The following PLIN3 variants were observed in gnomAD, a reference collection of about 807,000 sequenced individuals.
The protein encoded by PLIN3 is perilipin 3.
In PLIN3, 30 loss-of-function variants were observed where a neutral mutation model predicts 35.9. The ratio of observed to expected loss-of-function variants is 0.84; its 90% CI spans 0.62 to 1.13. The LOEUF (loss-of-function observed/expected upper bound fraction) is 1.13. Ranked by LOEUF, PLIN3 falls within the 50% of genes most tolerant of loss-of-function variation. The pLI is 0.00. For synonymous variants in PLIN3, 261 were observed against 262.5 expected, an observed-to-expected ratio of 0.99 and a Z score of 0.06; for missense variants, 603 against 596.9, an observed-to-expected ratio of 1.01 and a Z score of -0.11.
At chr19:4,842,100 G>A (rs2029910477) in intron 7 of PLIN3, among the ~76,000 whole-genome samples, 1 of 151,720 alleles carries the variant, frequency 6.6e-6, no homozygotes, top group Admixed American at 6.6e-5. Context: ...AGACCAGCCT[G>A]GCCAACATGG....
At chr19:4,860,136 A>C in intron 2 of PLIN3, 112 bp from the exon 3 acceptor site, 1 of 857,600 alleles carries the variant, frequency 1.2e-6, no homozygotes, top group South Asian at 1.5e-5. Flanking sequence ...GAAACGGCTC[A>C]GTTTACCCAC....
chr19:4,853,437 T>C (rs1307747620), intron 4 of PLIN3, among the ~76,000 whole-genome samples: 1 of 152,024 alleles, frequency 6.6e-6, no homozygotes, highest in Non-Finnish European at 1.5e-5. Context: ...GTGATTCTCC[T>C]GCCTCAGCCT....
chr19:4,861,374 C>A lies in PLIN3; in HGVS notation c.21G>T (p.Glu7Asp). The stretch of plus-strand genomic sequence containing the variant: ...CTGTCACCTGGGTGCTGCCATCAGC[C>A]TCTGCCCCGTCGGCAGACATGGTCT... MSADGA[E>D]ADGSTQVTVE... Residue 7 changes from glutamate (E) to aspartate (D), a missense_variant, in exon 2 of 8, where the codon GAG (glutamate) becomes GAT (aspartate). Physicochemically the swap from Glu to Asp is conservative, Grantham distance 45. Transcript: ENST00000221957. The A allele has an allele frequency of 6.2e-7, 1 of 1,613,184 alleles. No individual in the cohort carries two copies. The highest frequency in any genetic ancestry group is 8.5e-7 in the Non-Finnish European group (1 of 1,179,816).
rs761463527 is a variant in PLIN3, at chr19:4,852,114, G to A, written c.536C>T (p.Ser179Phe). The change falls in exon 5 of 8, where the codon TCC becomes TTC. Residue 179 changes from serine to phenylalanine, a missense_variant. By Grantham distance (155) the Ser-to-Phe change is radical (BLOSUM62 -2). Transcript: ENST00000221957. Reference sequence around the variant, plus strand: ...ACTCAACACCATCTGGCCCAAGCGGGAGCCCATGACCGATTGGACGCCGCC... The same window carrying A: ...ACTCAACACCATCTGGCCCAAGCGGAAGCCCATGACCGATTGGACGCCGCC... ...VTGGVQSVMG[S>F]RLGQMVLSGV... 1 of 1,614,034 alleles carries A rather than the reference G, an allele frequency of 6.2e-7. No homozygotes were observed. The highest frequency in any genetic ancestry group is 8.5e-7 in the Non-Finnish European group (1 of 1,179,972).
At chr19:4,852,520 G>A (rs372727372) in intron 4 of PLIN3, among the ~76,000 whole-genome samples, 3 of 152,332 alleles carry the variant, frequency 2.0e-5, no homozygotes, top group East Asian at 3.9e-4. Flanking sequence ...CCCTGAGTCT[G>A]GAGTTGTGGG....
intron 5 of PLIN3, among the ~76,000 whole-genome samples, chr19:4,851,361 G>A (rs2030284129): frequency 6.6e-6 from 1 of 152,108 alleles, no homozygotes; most frequent in African/African-American, 2.4e-5. Context: ...CTACTCAGGA[G>A]GATGAGGCAG....
At chr19:4,865,672 T>C (rs2030822038) in intron 1 of PLIN3, among the ~76,000 whole-genome samples, 1 of 151,716 alleles carries the variant, frequency 6.6e-6, no homozygotes, top group African/African-American at 2.4e-5. Context: ...AAAATGATGA[T>C]GTTTTGCAAG....
intron 5 of PLIN3, among the ~76,000 whole-genome samples, chr19:4,851,809 T>A (rs943992287): frequency 6.6e-6 from 1 of 151,904 alleles, no homozygotes; most frequent in African/African-American, 2.4e-5. Context: ...TGGTGGCTGC[T>A]GTGGGGAGGA....
At chr19:4,866,021 C>T (rs1014936700) in intron 1 of PLIN3, among the ~76,000 whole-genome samples, 6 of 144,356 alleles carry the variant, frequency 4.2e-5, no homozygotes, top group Non-Finnish European at 9.0e-5. Flanking sequence ...CCATGCCCGG[C>T]CTTTTTTTTT....
intron 6 of PLIN3, among the ~76,000 whole-genome samples, chr19:4,847,248 G>C (rs1339108562): frequency 6.6e-6 from 1 of 151,068 alleles, no homozygotes; most frequent in Non-Finnish European, 1.5e-5. Context: ...GCAGTGCAGT[G>C]GCACAATCAT....
chr19:4,859,287 T>C (rs1364664987), intron 4 of PLIN3, among the ~76,000 whole-genome samples: 1 of 152,144 alleles, frequency 6.6e-6, no homozygotes, highest in African/African-American at 2.4e-5. Context: ...TTTGAGAGGC[T>C]GAGGCAGCTG....
intron 3 of PLIN3, 72 bp from the exon 4 acceptor site, chr19:4,859,744 C>G: frequency 4.4e-6 from 7 of 1,599,958 alleles, no homozygotes; most frequent in Non-Finnish European, 5.1e-6. Flanking sequence ...GGGACAGGAC[C>G]AAGAGCTGGG....
chr19:4,862,885 A>G (rs2030719917), intron 1 of PLIN3, among the ~76,000 whole-genome samples: 1 of 152,140 alleles, frequency 6.6e-6, no homozygotes, highest in South Asian at 2.1e-4. Flanking sequence ...GTGGCCAGAC[A>G]CAGTGGCTCA....
intron 2 of PLIN3, among the ~76,000 whole-genome samples, chr19:4,860,483 G>C (rs987782796): frequency 1.3e-5 from 2 of 151,868 alleles, no homozygotes; most frequent in Admixed American, 6.6e-5. Flanking sequence ...GATTACAGGC[G>C]TGAGCCACCG....
chr19:4,839,357 C>A lies in PLIN3; in HGVS notation c.1140G>T (p.Gln380His). ...GGGCCAGAATGCTGCTGGACAGGTC[C>A]TGGAAGGAGTGGATGCTGGAAAACG... ...QATFSSIHSF[Q>H]DLSSSILAQS... The change falls in exon 8 of 8, where the codon CAG becomes CAT. Residue 380 changes from glutamine to histidine, a missense_variant. Gln to His is a conservative substitution (Grantham distance 24). Coordinates refer to ENST00000221957, the MANE Select transcript of PLIN3 (RefSeq NM_005817.5). 2 of 1,613,856 alleles carry A rather than the reference C, an allele frequency of 1.2e-6. No homozygotes were observed. Among genetic ancestry groups the A allele is most frequent in the Non-Finnish European group, 1.7e-6 (2 of 1,179,786 alleles).
rs900918378 is a variant in PLIN3 at position 4,859,641 on chromosome 19, C to T, written c.297G>A (p.Gly99=). ...IASASEYAHR[G]LDKLEENLPI... is the part of the protein sequence containing the mutation. Reference sequence around the variant, plus strand: ...GGAGGTTCTCCTCCAACTTGTCCAGCCCCCTGTGGGCGTATTCGCTGGCTG... The same window carrying T: ...GGAGGTTCTCCTCCAACTTGTCCAGTCCCCTGTGGGCGTATTCGCTGGCTG... The change falls in exon 4 of 8, where the codon GGG becomes GGA. Residue 99 remains glycine (G), a synonymous_variant. Transcript: ENST00000221957. 2 of 1,614,148 alleles carry T rather than the reference C, an allele frequency of 1.2e-6. No individual in the cohort carries two copies. Among genetic ancestry groups the T allele is most frequent in the South Asian group, 2.2e-5 (2 of 91,082 alleles).
rs1472549220 is a variant in PLIN3 at position 4,859,642 on chromosome 19, C to A, written c.296G>T (p.Gly99Val). Residue 99 changes from glycine (G) to valine (V), a missense_variant, in exon 4 of 8, where the codon GGG becomes GTG. By Grantham distance (109) the Gly-to-Val change is moderately radical. Coordinates refer to ENST00000221957, the MANE Select transcript of PLIN3 (RefSeq NM_005817.5). ...GAGGTTCTCCTCCAACTTGTCCAGC[C>A]CCCTGTGGGCGTATTCGCTGGCTGA... Reference protein sequence around the residue: ...IASASEYAHRGLDKLEENLPI... With the variant: ...IASASEYAHRVLDKLEENLPI... 6.2e-7 allele frequency: 1 copy of A among 1,614,018 alleles called. No homozygotes were observed. The highest frequency in any genetic ancestry group is 8.5e-7 in the Non-Finnish European group (1 of 1,180,026).
chr19:4,847,835 C>T lies in PLIN3; in HGVS notation c.690G>A (p.Arg230=). ...GFDVASVQQQ[R]QEQSYFVRLG... Reference sequence around the variant, plus strand: ...GACGTACGAAGTAGCTCTGTTCCTGCCGCTGCTGCTGCACGGACGCGACGT... The same window carrying T: ...GACGTACGAAGTAGCTCTGTTCCTGTCGCTGCTGCTGCACGGACGCGACGT... Residue 230 remains arginine, a synonymous_variant, in exon 6 of 8, where the codon CGG becomes CGA. Transcript: ENST00000221957. 1 of 1,613,944 alleles carries T rather than the reference C, an allele frequency of 6.2e-7. No homozygotes were observed. The highest frequency in any genetic ancestry group is 1.1e-5 in the South Asian group (1 of 91,064).
intron 1 of PLIN3, among the ~76,000 whole-genome samples, chr19:4,865,677 T>C (rs992415406): frequency 2.6e-5 from 4 of 151,766 alleles, no homozygotes; most frequent in Non-Finnish European, 5.9e-5. Flanking sequence ...GATGATGTTT[T>C]GCAAGCACTA....
Sources: gnomAD v4.1 joint callset for allele counts (sites outside exome capture counted in the v4.1 genomes callset) on GRCh38, gnomAD v4.1.1 for gene constraint, MANE v1.5 for transcripts, NCBI Gene and HGNC (gene_info 2026-07-23, HGNC 2026-07-21) for gene names.